Variants in DPYSL2 observed in about 807,000 individuals in gnomAD.
DPYSL2 encodes the protein dihydropyrimidinase-related protein 2.
DPYSL2 carries 13 observed loss-of-function variants against 69.9 expected under a neutral mutation model. That is an observed-to-expected ratio of 0.19 (90% CI 0.12 to 0.30). DPYSL2 has a LOEUF of 0.30. Among genes scored for constraint, DPYSL2 ranks in the 10% least tolerant of loss-of-function variants. DPYSL2 has a pLI of 1.00. For missense variants in DPYSL2, 587 were observed against 918.9 expected (o/e 0.64, Z 4.67); for synonymous variants, 326 against 359.1 (o/e 0.91, Z 1.04).
At chr8:26,555,537 A>G (rs1269672096) in intron 1 of DPYSL2, among the ~76,000 whole-genome samples, 2 of 152,168 alleles carry the variant, frequency 1.3e-5, no homozygotes, top group African/African-American at 2.4e-5. Context: ...ATCTAACAGA[A>G]TATGTATAAG....
In DPYSL2 at chr8:26,560,076, A is replaced by C. The variant is rs779358347; in HGVS notation, c.355-21893A>C. 6.6e-5 allele frequency among the ~76,000 whole-genome samples: 10 copies of C among 152,238 alleles called. No individual in the cohort carries two copies. The highest frequency in any genetic ancestry group is 1.3e-4 in the Non-Finnish European group (9 of 68,048). Reference sequence around the variant, plus strand: ...CTGCCATGGCTAGTCCATGGGAGATAATCTGTTAAAAGAAATAATGCAGAT... The same window carrying C: ...CTGCCATGGCTAGTCCATGGGAGATCATCTGTTAAAAGAAATAATGCAGAT... On this transcript the variant is annotated intron_variant, in intron 1 of 13. Transcript: ENST00000521913. The surrounding 1 kb of genome is among the most constrained non-coding windows in gnomAD (Gnocchi z 4.4).
Position 26,518,947 on chromosome 8 carries a change from C to G in DPYSL2, c.354+4268C>G, listed in dbSNP as rs896761836. Among the ~76,000 whole-genome samples, 17 of 152,294 alleles carry G rather than the reference C, an allele frequency of 1.1e-4. No individual in the cohort carries two copies. In the East Asian group the frequency reaches 1.7e-3, roughly 16 times the overall value. On this transcript the variant is annotated intron_variant, in intron 1 of 13. Coordinates refer to ENST00000521913, the MANE Select transcript of DPYSL2 (RefSeq NM_001197293.3). Reference sequence around the variant, plus strand: ...AAATAGGCTTCCCCAGGTCTGGGGCCTATAACCTAACTAGAAGAAAACTCC... The same window carrying G: ...AAATAGGCTTCCCCAGGTCTGGGGCGTATAACCTAACTAGAAGAAAACTCC...
intron 1 of DPYSL2, among the ~76,000 whole-genome samples, chr8:26,574,349 A>G (rs1362155902): frequency 1.3e-5 from 2 of 152,174 alleles, no homozygotes; most frequent in East Asian, 3.9e-4. Context: ...GGGGAGTTGA[A>G]GCTGCGGAAA....
intron 10 of DPYSL2, among the ~76,000 whole-genome samples, chr8:26,645,911 G>C (rs1803152845): frequency 6.7e-6 from 1 of 148,830 alleles, no homozygotes; most frequent in African/African-American, 2.5e-5. Context: ...TTCCCCCCAG[G>C]CTGGAGTGCA....
chr8:26,582,128 G>C lies in DPYSL2; in HGVS notation c.443+71G>C. On this transcript the variant is annotated intron_variant, in intron 2 of 13. Coordinates refer to ENST00000521913, the MANE Select transcript of DPYSL2 (RefSeq NM_001197293.3). The surrounding 1 kb of genome is among the most constrained non-coding windows in gnomAD (Gnocchi z 4.1). ...ACTTCCCAAGTATTAGATACCATTC[G>C]CATCCAAAGTATCAAACTTCAGGAA... The C allele has an allele frequency of 2.4e-6, 3 of 1,240,544 alleles. No homozygotes were observed. The highest frequency in any genetic ancestry group is 3.5e-6 in the Non-Finnish European group (3 of 855,796). 76.8% of individuals were successfully genotyped at this position (1,240,544 alleles called of 1,614,324 possible).
intron 8 of DPYSL2, among the ~76,000 whole-genome samples, chr8:26,638,600 G>A (rs1802970272): frequency 1.3e-5 from 2 of 152,342 alleles, no homozygotes; most frequent in South Asian, 4.1e-4. Context: ...TGTTCAGCAG[G>A]ATGGCGTGTT....
intron 1 of DPYSL2, among the ~76,000 whole-genome samples, chr8:26,534,610 A>T (rs1283474940): frequency 6.6e-6 from 1 of 151,896 alleles, no homozygotes; most frequent in African/African-American, 2.4e-5. Context: ...AATATAGGAC[A>T]CACTGTATTT....
intron 1 of DPYSL2, among the ~76,000 whole-genome samples, chr8:26,536,877 G>A (rs1800600321): frequency 1.3e-5 from 2 of 152,184 alleles, no homozygotes; most frequent in African/African-American, 4.8e-5. Flanking sequence ...CTGTATTGAT[G>A]GGAAAGGCAG....
At chr8:26,645,927 G>A (rs1444407326) in intron 10 of DPYSL2, among the ~76,000 whole-genome samples, 3 of 151,830 alleles carry the variant, frequency 2.0e-5, no homozygotes, top group Non-Finnish European at 4.4e-5. Context: ...GTGCAATGGC[G>A]TGATCTTGGC....
intron 11 of DPYSL2, among the ~76,000 whole-genome samples, chr8:26,651,652 A>C (rs906855569): frequency 2.0e-5 from 3 of 152,254 alleles, no homozygotes; most frequent in Admixed American, 2.0e-4. Context: ...GAGGGCACAC[A>C]GATATGTCTC....
Position 26,581,983 on chromosome 8 carries a change from G to A in DPYSL2, c.369G>A (p.Leu123=). 1.2e-6 allele frequency: 2 copies of A among 1,613,918 alleles called. No homozygotes were observed. The highest frequency in any genetic ancestry group is 1.7e-6 in the Non-Finnish European group (2 of 1,179,980). ...CTTTGTTTCAGAGCGATCGTCTTCT[G>A]ATCAAAGGAGGTAAAATTGTTAATG... ...QNINDQSDRL[L]IKGGKIVNDD... Residue 123 remains leucine (L), a synonymous_variant, in exon 2 of 14, where the codon CTG becomes CTA. Transcript: ENST00000521913.
intron 1 of DPYSL2, among the ~76,000 whole-genome samples, chr8:26,538,183 GAAA>G (rs1444765901): frequency 1.3e-5 from 2 of 152,154 alleles, no homozygotes; most frequent in African/African-American, 4.8e-5. Flanking sequence ...TGTCAATTAA[GAAA>G]AATTTTATAC....
chr8:26,615,578 G>A (rs549233463), intron 3 of DPYSL2, among the ~76,000 whole-genome samples: 5 of 152,252 alleles, frequency 3.3e-5, no homozygotes, highest in African/African-American at 1.2e-4. Context: ...AGAGGCAGGT[G>A]TGATGTTTGG....
At position 26,609,703 on chromosome 8, in the gene DPYSL2, G is replaced by T. The variant is rs947933667; in HGVS notation, c.629-14440G>T. Among the ~76,000 whole-genome samples the T allele has an allele frequency of 2.6e-5, 4 of 152,218 alleles. No individual in the cohort carries two copies. The highest frequency in any genetic ancestry group is 9.6e-5 in the African/African-American group (4 of 41,460). ...TCGCTGAGCTGGAGCTCCCCAGAGTGCAGCCTGGCCAGGCAGGGACTGTTG... is the reference window on the plus strand; with the variant it reads ...TCGCTGAGCTGGAGCTCCCCAGAGTTCAGCCTGGCCAGGCAGGGACTGTTG... On this transcript the variant is annotated intron_variant, in intron 3 of 13. Transcript: ENST00000521913. The surrounding 1 kb of genome is among the most constrained non-coding windows in gnomAD (Gnocchi z 6.5).
chr8:26,540,053 G>GA (rs1159697060), intron 1 of DPYSL2, among the ~76,000 whole-genome samples: 2 of 152,160 alleles, frequency 1.3e-5, no homozygotes, highest in African/African-American at 4.8e-5. Flanking sequence ...GCCTGACAGG[G>GA]AAATCAAAAT....
In DPYSL2 at chr8:26,514,319, C is replaced by A. The variant is rs895531117; in HGVS notation, c.-7C>A. On this transcript the variant is annotated 5_prime_UTR_variant, in exon 1 of 14. Transcript: ENST00000521913. This position sits in a 1 kb window ranked among gnomAD's most constrained non-coding sequence, Gnocchi z 8.4. ...GACGGCGAGGACCCTACCCGAGCCC[C>A]CGAGCCATGGCCGAGAGAAAGCAAT... 2.3e-4 allele frequency: 336 copies of A among 1,446,242 alleles called. No homozygotes were observed. The highest frequency in any genetic ancestry group is 2.9e-4 in the Non-Finnish European group (321 of 1,101,540). The allele number at this position is 1,446,242 out of a possible 1,614,324, so 89.6% of individuals were successfully genotyped here.
intron 7 of DPYSL2, among the ~76,000 whole-genome samples, chr8:26,632,582 T>A (rs1802803306): frequency 6.6e-6 from 1 of 152,198 alleles, no homozygotes; most frequent in Non-Finnish European, 1.5e-5. Context: ...CTTGTACCTG[T>A]CATCCCAGCA....
At chr8:26,550,941 T>A (rs1400332266) in intron 1 of DPYSL2, among the ~76,000 whole-genome samples, 2 of 152,170 alleles carry the variant, frequency 1.3e-5, no homozygotes, top group African/African-American at 4.8e-5. Flanking sequence ...ATATCTTGCC[T>A]CTGGAAGTGA....
chr8:26,575,926 T>C (rs1238270278), intron 1 of DPYSL2, among the ~76,000 whole-genome samples: 3 of 152,114 alleles, frequency 2.0e-5, no homozygotes, highest in African/African-American at 7.2e-5. Flanking sequence ...TGACTGTTGG[T>C]TTTTCACAAG....
Sources: allele counts gnomAD v4.1 joint callset (sites outside exome capture counted in the v4.1 genomes callset), GRCh38; gene constraint gnomAD v4.1.1; non-coding constraint Gnocchi (gnomAD v3.1); transcripts MANE v1.5; gene names NCBI Gene and HGNC (gene_info 2026-07-23, HGNC 2026-07-21).